The following CMTM4 variants were observed in gnomAD, a reference collection of about 807,000 sequenced individuals.
CMTM4 encodes CKLF-like MARVEL transmembrane domain-containing protein 4.
CMTM4 carries 8 observed loss-of-function variants against 19.0 expected under a neutral mutation model. The observed-to-expected ratio is 0.42, with a 90% CI of 0.25 to 0.76. The LOEUF is 0.76. Among genes scored for constraint, CMTM4 ranks in the 30% least tolerant of loss-of-function variants. The pLI is 0.27. For missense variants in CMTM4, 228 were observed against 290.2 expected (o/e 0.79, Z 1.56); for synonymous variants, 106 against 121.1 (o/e 0.88, Z 0.82).
chr16:66,686,155 G>A (rs2017027311), intron 1 of CMTM4, among the ~76,000 whole-genome samples: 1 of 151,946 alleles, frequency 6.6e-6, no homozygotes, highest in South Asian at 2.1e-4. Context: ...CGGGGAGTCT[G>A]AGGCAGGAGA....
chr16:66,640,762 T>C (rs1225848606), intron 1 of CMTM4, among the ~76,000 whole-genome samples: 2 of 152,192 alleles, frequency 1.3e-5, no homozygotes, highest in Admixed American at 6.5e-5. Flanking sequence ...GCATGGTTCC[T>C]GCCTTGCTCT....
At position 66,620,453 on chromosome 16, in the gene CMTM4, A is replaced by C. The variant is rs1013600195; in HGVS notation, c.*1605T>G. The C allele has an allele frequency of 1.0e-6, 1 of 985,352 alleles. No individual in the cohort carries two copies. The highest frequency in any genetic ancestry group is 1.7e-5 in the African/African-American group (1 of 57,238). 61.0% of individuals were successfully genotyped at this position (985,352 alleles called of 1,614,324 possible). ...TCGTACTGAAGGTGTTGGTGCAGGA[A>C]GCTAACCCCAACTCCGACCCCCAGC... On this transcript the variant is annotated 3_prime_UTR_variant, in exon 4 of 4. Coordinates refer to ENST00000394106, the MANE Select transcript of CMTM4 (RefSeq NM_181521.3).
At chr16:66,683,512 C>T (rs1045338650) in intron 1 of CMTM4, among the ~76,000 whole-genome samples, 11 of 151,394 alleles carry the variant, frequency 7.3e-5, no homozygotes, top group African/African-American at 2.7e-4. Context: ...AGGATGGTCT[C>T]GATCTCCTGA....
chr16:66,683,148 TATATATATATAC>T (rs2016953380), intron 1 of CMTM4, among the ~76,000 whole-genome samples: 1 of 123,788 alleles, frequency 8.1e-6, no homozygotes. Flanking sequence ...TATATATATG[TATATATATATAC>T]GTATATATAT....
chr16:66,690,084 A>G (rs1256294130), intron 1 of CMTM4, among the ~76,000 whole-genome samples: 1 of 152,228 alleles, frequency 6.6e-6, no homozygotes, highest in Non-Finnish European at 1.5e-5. Flanking sequence ...TTGATCAGGA[A>G]GACAACTCCT....
At chr16:66,613,844 C>T (rs2015474704), downstream of CMTM4, 1 of 152,188 alleles carries the variant, frequency 6.6e-6, no homozygotes, top group African/African-American at 2.4e-5. Flanking sequence ...TGGATCCTGA[C>T]AGCTTTCAGT....
At chr16:66,664,504 G>A (rs972361465) in intron 1 of CMTM4, among the ~76,000 whole-genome samples, 21 of 152,088 alleles carry the variant, frequency 1.4e-4, no homozygotes, top group Admixed American at 1.2e-3. Flanking sequence ...ATTTGACAAC[G>A]AAAACAAAGT....
Position 66,618,549 on chromosome 16 carries a change from A to G in CMTM4, c.*3509T>C. On this transcript the variant is annotated 3_prime_UTR_variant, in exon 4 of 4. Transcript: ENST00000394106. The stretch of plus-strand genomic sequence containing the variant: ...GGTGACGGGTTTCTCATGTGAATCT[A>G]CAAGAAAAGGTACGCCTGGGCCACA... 1 of 985,520 alleles carries G rather than the reference A, an allele frequency of 1.0e-6. No homozygotes were observed. Among genetic ancestry groups the G allele is most frequent in the Non-Finnish European group, 1.2e-6 (1 of 829,980 alleles). The allele number at this position is 985,520 out of a possible 1,614,324, so 61.0% of individuals were successfully genotyped here.
intron 1 of CMTM4, among the ~76,000 whole-genome samples, chr16:66,667,982 T>G (rs1299947452): frequency 6.6e-6 from 1 of 152,130 alleles, no homozygotes; most frequent in Non-Finnish European, 1.5e-5. Flanking sequence ...TTTGTTTTTT[T>G]TGTGAGTTTT....
At chr16:66,683,160 C>CATATATATATAT (rs2016955611) in intron 1 of CMTM4, among the ~76,000 whole-genome samples, 3 of 75,550 alleles carry the variant, frequency 4.0e-5, no homozygotes, top group South Asian at 1.0e-3. Flanking sequence ...TATATATATA[C>CATATATATATAT]GTATATATAT....
rs11318916 is a variant in CMTM4 at position 66,634,447 on chromosome 16, CAA to C, written c.363+1956_363+1957del. Among the ~76,000 whole-genome samples, 3 of 141,770 alleles carry C rather than the reference CAA, an allele frequency of 2.1e-5. No individual in the cohort carries two copies. In the South Asian group the frequency reaches 6.9e-4, roughly 33 times the overall value. The allele number at this position is 141,770 out of a possible 152,430, so 93.0% of individuals were successfully genotyped here. A position where few individuals can be genotyped will look rare whatever the true frequency, so the allele number is the denominator to read the frequency against. ...AGAGCAAGACTCTGTCTCAAAAAAA[CAA>C]AAAAAAAAACCCAAAAACAACAAAA... On this transcript the variant is annotated intron_variant, in intron 2 of 3. Transcript: ENST00000394106.
At chr16:66,600,136 G>GTGTGTGGTTT in the CMTM4 span, among the ~76,000 whole-genome samples, 11 of 135,152 alleles carry the variant, frequency 8.1e-5, no homozygotes, top group African/African-American at 2.6e-4. Context: ...GTGTGTGTGT[G>GTGTGTGGTTT]TTTTTTTTTG....
chr16:66,617,976 T>C lies in CMTM4; in HGVS notation c.*4082A>G. 5 of 985,826 alleles carry C rather than the reference T, an allele frequency of 5.1e-6. No individual in the cohort carries two copies. The highest frequency in any genetic ancestry group is 6.0e-6 in the Non-Finnish European group (5 of 830,226). The allele number at this position is 985,826 out of a possible 1,614,324, so 61.1% of individuals were successfully genotyped here. The stretch of plus-strand genomic sequence containing the variant: ...GACAGCCTGAGCTGTCTAGTGCTGA[T>C]AGCAGACAGGTGGGGTGTTCCAGGC... On this transcript the variant is annotated 3_prime_UTR_variant, in exon 4 of 4. Coordinates refer to ENST00000394106, the MANE Select transcript of CMTM4 (RefSeq NM_181521.3).
intron 2 of CMTM4, among the ~76,000 whole-genome samples, chr16:66,635,452 G>A (rs2015972839): frequency 6.6e-6 from 1 of 152,204 alleles, no homozygotes; most frequent in African/African-American, 2.4e-5. Flanking sequence ...CACCAGGAGA[G>A]CAGCCCTGAC....
intron 1 of CMTM4, among the ~76,000 whole-genome samples, chr16:66,674,036 T>C (rs2016760329): frequency 6.6e-6 from 1 of 152,240 alleles, no homozygotes; most frequent in Non-Finnish European, 1.5e-5. Flanking sequence ...GGCAGATCCC[T>C]CTCATGCCCA....
At position 66,616,244 on chromosome 16, in the gene CMTM4, A is replaced by G. The variant is rs1426122256; in HGVS notation, c.*5814T>C. ...GACGCATGGAAGGCACCAGAGGTGA[A>G]GTGATTATTTGCCTTAAAATATACA... is the stretch of plus-strand genomic sequence containing the variant. On this transcript the variant is annotated 3_prime_UTR_variant, in exon 4 of 4. Coordinates refer to ENST00000394106, the MANE Select transcript of CMTM4 (RefSeq NM_181521.3). 1 of 152,226 alleles carries G rather than the reference A, an allele frequency of 6.6e-6. No individual in the cohort carries two copies. Among genetic ancestry groups the G allele is most frequent in the Non-Finnish European group, 1.5e-5 (1 of 68,030 alleles). 9.4% of individuals were successfully genotyped at this position (152,226 alleles called of 1,614,324 possible).
chr16:66,672,702 C>CAG (rs2016731783), intron 1 of CMTM4, among the ~76,000 whole-genome samples: 1 of 151,882 alleles, frequency 6.6e-6, no homozygotes, highest in South Asian at 2.1e-4. Flanking sequence ...CTCAGCCTCC[C>CAG]CGGTTCAAGC....
rs1256490690 is a variant in CMTM4, at chr16:66,622,874, TC to T, written c.462+529del. 2.0e-5 allele frequency among the ~76,000 whole-genome samples: 3 copies of T among 151,940 alleles called. No homozygotes were observed. Among genetic ancestry groups the T allele is most frequent in the Non-Finnish European group, 4.4e-5 (3 of 68,000 alleles). On this transcript the variant is annotated intron_variant, in intron 3 of 3. Coordinates refer to ENST00000394106, the MANE Select transcript of CMTM4 (RefSeq NM_181521.3). This position sits in a 1 kb window ranked among gnomAD's most constrained non-coding sequence, Gnocchi z 4.0. ...GTTTAATCATTTATAAACCTTTTAA[TC>T]CCCCCATTACAAAAAGGATAACTGT...
At chr16:66,625,168 C>T (rs1355812030) in intron 2 of CMTM4, among the ~76,000 whole-genome samples, 1 of 152,200 alleles carries the variant, frequency 6.6e-6, no homozygotes, top group Non-Finnish European at 1.5e-5. Context: ...GGCACGGTGG[C>T]TCATGCCTGT....
Sources: allele counts gnomAD v4.1 joint callset (sites outside exome capture counted in the v4.1 genomes callset), GRCh38; gene constraint gnomAD v4.1.1; non-coding constraint Gnocchi (gnomAD v3.1); transcripts MANE v1.5; gene names NCBI Gene and HGNC (gene_info 2026-07-23, HGNC 2026-07-21).